The following SLC24A3 variants were observed in gnomAD, a reference collection of about 807,000 sequenced individuals.
The protein encoded by SLC24A3 is sodium/potassium/calcium exchanger 3.
SLC24A3 carries 28 observed loss-of-function variants against 75.8 expected under a neutral mutation model. The ratio of observed to expected loss-of-function variants is 0.37; its 90% CI spans 0.27 to 0.51. SLC24A3 has a LOEUF of 0.51. Among genes scored for constraint, SLC24A3 ranks in the 20% least tolerant of loss-of-function variants. The pLI is 0.94. For missense variants in SLC24A3, 663 were observed against 847.8 expected, an observed-to-expected ratio of 0.78 and a Z score of 2.71; for synonymous variants, 372 against 334.1, an observed-to-expected ratio of 1.11 and a Z score of -1.24.
intron 12 of SLC24A3, among the ~76,000 whole-genome samples, chr20:19,692,932 C>T (rs6112525): frequency 0.26 from 39,914 of 151,802 alleles, 5,936 homozygotes; most frequent in African/African-American, 0.38. Context: ...CTTTTTTGAC[C>T]TGAGTATCCT....
In SLC24A3 at chr20:19,574,871, C is replaced by A. The variant is rs546266004; in HGVS notation, c.349-5129C>A. Among the ~76,000 whole-genome samples the A allele has an allele frequency of 4.6e-5, 7 of 152,250 alleles. No homozygotes were observed. In the South Asian group the frequency reaches 1.5e-3, roughly 32 times the overall value. The stretch of plus-strand genomic sequence containing the variant: ...ACCTGATGGGAGATCCCATACCATG[C>A]CCTGGGCTTCCTCCAAGGCTCCAGG... On this transcript the variant is annotated intron_variant, in intron 3 of 16. Transcript: ENST00000328041.
intron 2 of SLC24A3, among the ~76,000 whole-genome samples, chr20:19,466,454 A>G (rs1987766629): frequency 1.3e-5 from 2 of 152,190 alleles, no homozygotes; most frequent in Non-Finnish European, 2.9e-5. Flanking sequence ...TGGGTGTTCC[A>G]TATTTGGATT....
In SLC24A3 at chr20:19,417,225, T is replaced by C. The variant is rs148551971; in HGVS notation, c.272-98263T>C. ...ATTTTATCCTGAAGACAGTAAGGAA[T>C]GGTCAACAGGAAGTAACATGATCAG... On this transcript the variant is annotated intron_variant, in intron 2 of 16. Coordinates refer to ENST00000328041, the MANE Select transcript of SLC24A3 (RefSeq NM_020689.4). Among the ~76,000 whole-genome samples the C allele has an allele frequency of 1.6e-4, 24 of 152,310 alleles. No individual in the cohort carries two copies. The East Asian group carries it at 3.9e-3, about 24-fold the overall frequency.
intron 1 of SLC24A3, among the ~76,000 whole-genome samples, chr20:19,267,174 G>A (rs1983191577): frequency 6.6e-6 from 1 of 152,134 alleles, no homozygotes; most frequent in South Asian, 2.1e-4. Flanking sequence ...AAACATGATA[G>A]AATATATTTA....
intron 2 of SLC24A3, among the ~76,000 whole-genome samples, chr20:19,472,565 T>A (rs1208990258): frequency 1.3e-5 from 2 of 152,204 alleles, no homozygotes; most frequent in African/African-American, 4.8e-5. Context: ...ATGAGGACGC[T>A]CTACCTCATT....
chr20:19,383,610 G>A (rs1280081673), intron 2 of SLC24A3, among the ~76,000 whole-genome samples: 2 of 152,160 alleles, frequency 1.3e-5, no homozygotes, highest in Non-Finnish European at 2.9e-5. Flanking sequence ...AATTGCCATG[G>A]TGTGTGATTT....
chr20:19,377,721 G>A (rs536577339), intron 2 of SLC24A3, among the ~76,000 whole-genome samples: 4 of 152,276 alleles, frequency 2.6e-5, no homozygotes, highest in South Asian at 2.1e-4. Context: ...TTGAACCCTG[G>A]TCAGTCAGTT....
At chr20:19,503,490 A>G (rs1450694842) in intron 2 of SLC24A3, among the ~76,000 whole-genome samples, 1 of 152,238 alleles carries the variant, frequency 6.6e-6, no homozygotes, top group Non-Finnish European at 1.5e-5. Flanking sequence ...ATCTACCCTT[A>G]AAAGAGTTTC....
chr20:19,511,059 C>T (rs1988528429), intron 2 of SLC24A3, among the ~76,000 whole-genome samples: 3 of 152,172 alleles, frequency 2.0e-5, no homozygotes, highest in Admixed American at 1.3e-4. Context: ...GCCCCCCACC[C>T]TGCTGCTGAC....
intron 3 of SLC24A3, among the ~76,000 whole-genome samples, chr20:19,548,894 A>T (rs1190957078): frequency 6.6e-6 from 1 of 152,232 alleles, no homozygotes; most frequent in Non-Finnish European, 1.5e-5. Flanking sequence ...GAATGAACAT[A>T]ATAAGGGATT....
intron 2 of SLC24A3, among the ~76,000 whole-genome samples, chr20:19,492,046 G>T (rs1218128312): frequency 6.6e-6 from 1 of 152,176 alleles, no homozygotes; most frequent in East Asian, 1.9e-4. Flanking sequence ...GCACACCGAA[G>T]CGGGGTGCAG....
At chr20:19,299,188 G>GTGTGTGTA (rs2122243643) in intron 2 of SLC24A3, among the ~76,000 whole-genome samples, 1 of 143,054 alleles carries the variant, frequency 7.0e-6, no homozygotes, top group African/African-American at 2.7e-5. Context: ...GTGTGTGTGT[G>GTGTGTGTA]TGTGTGTGTA....
intron 7 of SLC24A3, among the ~76,000 whole-genome samples, chr20:19,663,436 C>A (rs1205073395): frequency 4.8e-4 from 7 of 14,572 alleles, no homozygotes; most frequent in East Asian, 1.2e-3. Context: ...TCCTCCTCCG[C>A]CTTCTCATCC....
At chr20:19,636,179 C>A (rs2032000940) in intron 6 of SLC24A3, among the ~76,000 whole-genome samples, 1 of 152,020 alleles carries the variant, frequency 6.6e-6, no homozygotes, top group South Asian at 2.1e-4. Flanking sequence ...TCTCCCAAGG[C>A]CTTTTATGGT....
chr20:19,550,289 T>G (rs2030669637), intron 3 of SLC24A3, among the ~76,000 whole-genome samples: 2 of 152,006 alleles, frequency 1.3e-5, no homozygotes, highest in African/African-American at 4.8e-5. Context: ...GGCAACAGAT[T>G]AAAAAAAATT....
At chr20:19,545,892 G>A (rs183979573) in intron 3 of SLC24A3, among the ~76,000 whole-genome samples, 34 of 152,198 alleles carry the variant, frequency 2.2e-4, no homozygotes, top group African/African-American at 7.9e-4. Flanking sequence ...AGGCATGGTG[G>A]CTCACACTTG....
Position 19,722,106 on chromosome 20 carries a change from CTTG to C in SLC24A3, c.*972_*974del, listed in dbSNP as rs2033110495. On this transcript the variant is annotated 3_prime_UTR_variant, in exon 17 of 17. Coordinates refer to ENST00000328041, the MANE Select transcript of SLC24A3 (RefSeq NM_020689.4). The stretch of plus-strand genomic sequence containing the variant: ...GACTTGTGAGTCCCTGAGATGTGCT[CTTG>C]TTGTTTGGCATTTGGGGTGACAGGG... 6.5e-6 allele frequency: 1 copy of C among 152,704 alleles called. No individual in the cohort carries two copies. The highest frequency in any genetic ancestry group is 2.4e-5 in the African/African-American group (1 of 41,466). The allele number at this position is 152,704 out of a possible 1,614,324, so 9.5% of individuals were successfully genotyped here.
At chr20:19,429,728 A>G (rs1987069315) in intron 2 of SLC24A3, among the ~76,000 whole-genome samples, 1 of 152,148 alleles carries the variant, frequency 6.6e-6, no homozygotes, top group Non-Finnish European at 1.5e-5. Flanking sequence ...GTCATCCGAG[A>G]GGGCCATAAA....
chr20:19,615,483 AG>A (rs2031724863), intron 6 of SLC24A3, among the ~76,000 whole-genome samples: 2 of 152,188 alleles, frequency 1.3e-5, no homozygotes, highest in Admixed American at 1.3e-4. Context: ...CGGAAGGTGA[AG>A]GGAAAGCAGG....
Sources: gnomAD v4.1 joint callset for allele counts (sites outside exome capture counted in the v4.1 genomes callset) on GRCh38, gnomAD v4.1.1 for gene constraint, MANE v1.5 for transcripts, NCBI Gene and HGNC (gene_info 2026-07-23, HGNC 2026-07-21) for gene names.